The following PREX1 variants were observed in gnomAD, a reference collection of about 807,000 sequenced individuals.
PREX1 encodes phosphatidylinositol-3,4,5-trisphosphate dependent Rac exchange factor 1, also known as phosphatidylinositol 3,4,5-trisphosphate-dependent Rac exchanger 1 protein.
In PREX1, 41 loss-of-function variants were observed where a neutral mutation model predicts 198.3. That is an observed-to-expected ratio of 0.21 (90% CI 0.16 to 0.27). The LOEUF (loss-of-function observed/expected upper bound fraction) is 0.27. PREX1 is among the 10% of genes least tolerant of loss of function. The probability of loss-of-function intolerance (pLI) is 1.00; values close to 1 mark genes in which losing one functional copy is unlikely to be tolerated. For synonymous variants in PREX1, 843 were observed against 887.2 expected (o/e 0.95, Z 0.89); for missense variants, 1,620 against 2,200.7 (o/e 0.74, Z 5.28).
chr20:48,756,581 T>C (rs976382777), intron 1 of PREX1, among the ~76,000 whole-genome samples: 3 of 152,050 alleles, frequency 2.0e-5, no homozygotes, highest in African/African-American at 7.2e-5. Flanking sequence ...AGCACAAACA[T>C]ATTGCTTTGA....
the PREX1 span, among the ~76,000 whole-genome samples, chr20:48,846,019 G>C: frequency 6.6e-6 from 1 of 152,218 alleles, no homozygotes; most frequent in Non-Finnish European, 1.5e-5. Context: ...AGTAGATACT[G>C]TGTGCCAGGC....
rs999440267 is a variant in PREX1, at chr20:48,625,745, G to A, written c.*140C>T. On this transcript the variant is annotated 3_prime_UTR_variant, in exon 40 of 40. Coordinates refer to ENST00000371941, the MANE Select transcript of PREX1 (RefSeq NM_020820.4). The stretch of plus-strand genomic sequence containing the variant: ...GTGGCCAGGCTTGTCCCGGAAGGAG[G>A]CAGGGAGGACGCTGGGCAGGTCCCG... 3 of 1,043,490 alleles carry A rather than the reference G, an allele frequency of 2.9e-6. No individual in the cohort carries two copies. The highest frequency in any genetic ancestry group is 4.0e-6 in the Non-Finnish European group (3 of 744,876). 64.6% of individuals were successfully genotyped at this position (1,043,490 alleles called of 1,614,324 possible).
chr20:48,641,932 G>T (rs571241742), intron 29 of PREX1, among the ~76,000 whole-genome samples: 6 of 149,924 alleles, frequency 4.0e-5, no homozygotes, highest in Non-Finnish European at 8.9e-5. Context: ...GGGAGGGAAG[G>T]GGAGGGGAGG....
At chr20:48,843,530 A>G in the PREX1 span, among the ~76,000 whole-genome samples, 1 of 152,222 alleles carries the variant, frequency 6.6e-6, no homozygotes, top group East Asian at 1.9e-4. Context: ...TCCCTCCTGA[A>G]CACTCTGCCA....
At chr20:48,859,531 A>G in the PREX1 span, among the ~76,000 whole-genome samples, 1 of 152,200 alleles carries the variant, frequency 6.6e-6, no homozygotes, top group African/African-American at 2.4e-5. Flanking sequence ...ACAAAACAAA[A>G]CAAATATACA....
chr20:48,822,861 G>GA (rs752480124), intron 1 of PREX1, among the ~76,000 whole-genome samples: 6 of 152,224 alleles, frequency 3.9e-5, no homozygotes, highest in African/African-American at 4.8e-5. Flanking sequence ...AGGACCACGT[G>GA]AAAATCCCCC....
At chr20:48,639,679 AACTGG>A in intron 30 of PREX1, 82 bp downstream of exon 30, 3 of 1,547,880 alleles carry the variant, frequency 1.9e-6, no homozygotes, top group Non-Finnish European at 2.6e-6. Context: ...GGGGTCACAG[AACTGG>A]ATCCATTCCT....
chr20:48,633,784 G>A (rs2089334758), intron 33 of PREX1, among the ~76,000 whole-genome samples: 1 of 152,182 alleles, frequency 6.6e-6, no homozygotes, highest in Non-Finnish European at 1.5e-5. Context: ...AATCGCTAGG[G>A]CCCAGGGCCC....
rs1269394788 is a variant in PREX1, at chr20:48,624,637, A to C, written c.*1248T>G. On this transcript the variant is annotated 3_prime_UTR_variant, in exon 40 of 40. Transcript: ENST00000371941. ...GTGACCTTTCCCTGAAGGCATACCGAAGCTGGGGGGACAAACTGCCGAGGG... is the reference window on the plus strand; with the variant it reads ...GTGACCTTTCCCTGAAGGCATACCGCAGCTGGGGGGACAAACTGCCGAGGG... The C allele has an allele frequency of 6.6e-6, 1 of 152,284 alleles. No homozygotes were observed. Among genetic ancestry groups the C allele is most frequent in the East Asian group, 1.9e-4 (1 of 5,200 alleles). 9.4% of individuals were successfully genotyped at this position (152,284 alleles called of 1,614,324 possible).
intron 1 of PREX1, among the ~76,000 whole-genome samples, chr20:48,756,033 T>A (rs2090154698): frequency 1.3e-5 from 2 of 152,158 alleles, no homozygotes; most frequent in Non-Finnish European, 2.9e-5. Context: ...GATATGTGTA[T>A]CCCTGTGCAG....
intron 1 of PREX1, among the ~76,000 whole-genome samples, chr20:48,779,282 A>G (rs1192176092): frequency 1.3e-5 from 2 of 152,256 alleles, no homozygotes; most frequent in Non-Finnish European, 2.9e-5. Flanking sequence ...GTAAGTTAAA[A>G]TTACAATGGG....
chr20:48,666,467 G>A lies in PREX1; in HGVS notation c.1666-112C>T. ...AAGGTAGGCTCCACGAGGGCCAGGG[G>A]TTGTCTGTTTTGTTTACTGCAGTAA... On this transcript the variant is annotated intron_variant, in intron 14 of 39. Coordinates refer to ENST00000371941, the MANE Select transcript of PREX1 (RefSeq NM_020820.4). The surrounding 1 kb of genome is among the most constrained non-coding windows in gnomAD (Gnocchi z 4.3). The A allele has an allele frequency of 3.5e-6, 3 of 849,102 alleles. No homozygotes were observed. Among genetic ancestry groups the A allele is most frequent in the Non-Finnish European group, 5.7e-6 (3 of 530,452 alleles). The allele number at this position is 849,102 out of a possible 1,614,324, so 52.6% of individuals were successfully genotyped here. A position where few individuals can be genotyped will look rare whatever the true frequency, so the allele number is the denominator to read the frequency against.
At chr20:48,626,664 C>A (rs1013278936) in intron 39 of PREX1, among the ~76,000 whole-genome samples, 11 of 152,168 alleles carry the variant, frequency 7.2e-5, no homozygotes, top group Admixed American at 5.9e-4. Context: ...GTGTGTGGAG[C>A]CCCCAGCGCC....
chr20:48,683,171 T>A (rs1375650796), intron 10 of PREX1, among the ~76,000 whole-genome samples: 1 of 152,128 alleles, frequency 6.6e-6, no homozygotes, highest in African/African-American at 2.4e-5. Flanking sequence ...GGGGAACAGA[T>A]GTTTGAGTGC....
intron 1 of PREX1, among the ~76,000 whole-genome samples, chr20:48,800,317 C>A (rs1035500693): frequency 6.6e-6 from 1 of 152,158 alleles, no homozygotes; most frequent in Non-Finnish European, 1.5e-5. Flanking sequence ...CGACCAACAG[C>A]CCCAGTTTAC....
rs758928419 is a variant in PREX1, at chr20:48,651,413, A to G, written c.2638T>C (p.Phe880Leu). 30 of 1,608,256 alleles carry G rather than the reference A, an allele frequency of 1.9e-5. No homozygotes were observed. Among genetic ancestry groups the G allele is most frequent in the Non-Finnish European group, 2.6e-5 (30 of 1,175,968 alleles). Reference protein sequence around the residue: ...LEKIVEPRGCFGLTAKILEAF... With the variant: ...LEKIVEPRGCLGLTAKILEAF... ...AAGGAGACCTTGGCGGTGAGGCCGA[A>G]GCAGCCGCGGGGCTCCACGATCTTC... Residue 880 changes from phenylalanine (F) to leucine (L), a missense_variant, in exon 22 of 40, where the codon TTC becomes CTC. Physicochemically the swap from Phe to Leu is conservative, Grantham distance 22. This residue lies in a region of PREX1 where 514 missense variants were observed against 611.6 expected (regional missense o/e 0.84). Transcript: ENST00000371941.
intron 1 of PREX1, among the ~76,000 whole-genome samples, chr20:48,814,864 G>A (rs552981051): frequency 1.3e-5 from 2 of 152,266 alleles, no homozygotes; most frequent in South Asian, 2.1e-4. Context: ...GCGACTGTCA[G>A]AATGGATTTA....
At chr20:48,881,518 A>T in the PREX1 span, among the ~76,000 whole-genome samples, 1 of 147,596 alleles carries the variant, frequency 6.8e-6, no homozygotes, top group African/African-American at 2.5e-5. Flanking sequence ...ACAGGGTCTC[A>T]CTCTGTCACC....
At position 48,813,834 on chromosome 20, in the gene PREX1, A is replaced by T. The variant is rs187289468; in HGVS notation, c.219+13808T>A. 1.4e-4 allele frequency among the ~76,000 whole-genome samples: 21 copies of T among 152,362 alleles called. 1 individual carries two copies. The South Asian group carries it at 4.1e-3, about 30-fold the overall frequency. On this transcript the variant is annotated intron_variant, in intron 1 of 39. Transcript: ENST00000371941. ...ATATGCAGCCAGGTATACACACAAA[A>T]TATCATTTTACCATACTGGGTTCCA...
Sources: gnomAD v4.1 joint callset for allele counts (sites outside exome capture counted in the v4.1 genomes callset) on GRCh38, gnomAD v4.1.1 for gene constraint, gnomAD v4.1.1 regional missense constraint, Gnocchi (gnomAD v3.1) non-coding constraint, MANE v1.5 for transcripts, NCBI Gene and HGNC (gene_info 2026-07-23, HGNC 2026-07-21) for gene names.